The following JAKMIP2 variants were observed in gnomAD, a reference collection of about 807,000 sequenced individuals.
The protein encoded by JAKMIP2 is janus kinase and microtubule interacting protein 2.
In JAKMIP2, 25 loss-of-function variants were observed where a neutral mutation model predicts 115.0. The observed-to-expected ratio is 0.22, with a 90% CI of 0.16 to 0.30. The LOEUF (loss-of-function observed/expected upper bound fraction) is 0.30, where lower values mean the gene tolerates loss of function less well. Among genes scored for constraint, JAKMIP2 ranks in the 10% least tolerant of loss-of-function variants. The probability of loss-of-function intolerance (pLI) is 1.00; values close to 1 mark genes in which losing one functional copy is unlikely to be tolerated. For synonymous variants in JAKMIP2, 334 were observed against 343.6 expected, an observed-to-expected ratio of 0.97 and a Z score of 0.31; for missense variants, 642 against 957.6, an observed-to-expected ratio of 0.67 and a Z score of 4.35.
At chr5:147,630,919 T>G in intron 14 of JAKMIP2, among the ~76,000 whole-genome samples, 1 of 152,162 alleles carries the variant, frequency 6.6e-6, no homozygotes. Context: ...TTATAAACCC[T>G]AAGCCCTTCC....
In JAKMIP2 at chr5:147,645,266, G is replaced by A. The variant is rs1414005833; in HGVS notation, c.937-270C>T. ...TACTCCAGAGACTGGTTTTGGAAAT[G>A]CTCGGGAGGACGCGCTCTCCTTGCT... On this transcript the variant is annotated intron_variant, in intron 5 of 21. Transcript: ENST00000616793. 2.4e-4 allele frequency among the ~76,000 whole-genome samples: 36 copies of A among 152,092 alleles called. 1 individual carries two copies. Among genetic ancestry groups the A allele is most frequent in the Admixed American group, 2.4e-3 (36 of 15,266 alleles).
chr5:147,670,602 A>G (rs188975500), intron 2 of JAKMIP2, among the ~76,000 whole-genome samples: 1 of 152,326 alleles, frequency 6.6e-6, no homozygotes, highest in Admixed American at 6.5e-5. Flanking sequence ...ACTTAAATCT[A>G]TGAATATTAA....
At chr5:147,645,721 T>C (rs1045163218) in intron 5 of JAKMIP2, among the ~76,000 whole-genome samples, 1 of 152,182 alleles carries the variant, frequency 6.6e-6, no homozygotes, top group African/African-American at 2.4e-5. Flanking sequence ...GGATGTTTTT[T>C]TGATGTAAGG....
At position 147,598,292 on chromosome 5, in the gene JAKMIP2, G is replaced by A. The variant is rs111767765; in HGVS notation, c.*20+3449C>T. Among the ~76,000 whole-genome samples, 1,022 of 152,098 alleles carry A rather than the reference G, an allele frequency of 6.7e-3. 53 individuals carry two copies. In the East Asian group the frequency reaches 0.13, roughly 19 times the overall value. On this transcript the variant is annotated intron_variant, in intron 21 of 21. Transcript: ENST00000616793. ...GGGATTACAGGCGTGAGCCATCAGC[G>A]GTTCTTGGGTTTCTGATTTGAACAG...
In JAKMIP2 at chr5:147,587,509, A is replaced by C. The variant is rs1305452030; in HGVS notation, c.*4198T>G. On this transcript the variant is annotated 3_prime_UTR_variant, in exon 22 of 22. Transcript: ENST00000616793. Reference sequence around the variant, plus strand: ...TGCAATTAAATATTTTAAAAATAAAATTTCTATGCTGTCCATCTATCTTGA... The same window carrying C: ...TGCAATTAAATATTTTAAAAATAAACTTTCTATGCTGTCCATCTATCTTGA... The C allele has an allele frequency of 6.6e-6, 1 of 152,016 alleles. No homozygotes were observed. The highest frequency in any genetic ancestry group is 1.9e-4 in the East Asian group (1 of 5,186). 9.4% of individuals were successfully genotyped at this position (152,016 alleles called of 1,614,324 possible).
At chr5:147,637,668 G>C (rs763840826) in intron 10 of JAKMIP2, among the ~76,000 whole-genome samples, 1 of 152,002 alleles carries the variant, frequency 6.6e-6, no homozygotes, top group Non-Finnish European at 1.5e-5. Context: ...TCGAACTCCT[G>C]ACCTCAGATG....
chr5:147,745,172 C>T (rs770380270), intron 1 of JAKMIP2, among the ~76,000 whole-genome samples: 21 of 98,082 alleles, frequency 2.1e-4, no homozygotes, highest in Non-Finnish European at 4.4e-4. Flanking sequence ...ATCAACAAAC[C>T]GACCTTGGCG....
rs1486112943 is a variant in JAKMIP2, at chr5:147,637,054, G to A, written c.1531-6C>T. 1.1e-6 allele frequency: 1 copy of A among 872,424 alleles called. No homozygotes were observed. The highest frequency in any genetic ancestry group is 2.4e-5 in the East Asian group (1 of 41,702). The allele number at this position is 872,424 out of a possible 1,614,324, so 54.0% of individuals were successfully genotyped here. On this transcript the variant is annotated splice_region_variant and splice_polypyrimidine_tract_variant and intron_variant, in intron 10 of 21. Coordinates refer to ENST00000616793, the MANE Select transcript of JAKMIP2 (RefSeq NM_001270941.2). Reference sequence around the variant, plus strand: ...GCTTGGAGCTGTTCTTGAGCCTGGTGAAACCAAAATTCCAGAACTCAGCAA... The same window carrying A: ...GCTTGGAGCTGTTCTTGAGCCTGGTAAAACCAAAATTCCAGAACTCAGCAA...
intron 1 of JAKMIP2, among the ~76,000 whole-genome samples, chr5:147,750,561 T>TACACACACACACACACACACAC (rs151015424): frequency 1.1e-4 from 15 of 142,808 alleles, no homozygotes; most frequent in Non-Finnish European, 1.4e-4. Context: ...TGCCAGAAAA[T>TACACACACACACACACACACAC]ACACACACAC....
chr5:147,650,084 G>C (rs928553006), intron 4 of JAKMIP2, among the ~76,000 whole-genome samples: 1 of 152,146 alleles, frequency 6.6e-6, no homozygotes, highest in Non-Finnish European at 1.5e-5. Context: ...AGTTTGGATA[G>C]GTATTGCCTG....
chr5:147,628,887 C>G, intron 15 of JAKMIP2, 71 bp from the exon 16 acceptor site: 1 of 1,074,566 alleles, frequency 9.3e-7, no homozygotes, highest in Non-Finnish European at 1.4e-6. Flanking sequence ...TACTGTCTGA[C>G]TGACTGCTAC....
chr5:147,592,346 A>G (rs1755140301), intron 21 of JAKMIP2, among the ~76,000 whole-genome samples: 1 of 152,066 alleles, frequency 6.6e-6, no homozygotes, highest in Non-Finnish European at 1.5e-5. Flanking sequence ...AATTGTCTCC[A>G]CCTAAAGTCC....
At chr5:147,601,252 A>G (rs1220571071) in intron 21 of JAKMIP2, among the ~76,000 whole-genome samples, 1 of 152,166 alleles carries the variant, frequency 6.6e-6, no homozygotes, top group Non-Finnish European at 1.5e-5. Flanking sequence ...TTCTCAATTT[A>G]TGGCATTTAT....
intron 1 of JAKMIP2, among the ~76,000 whole-genome samples, chr5:147,753,228 C>G (rs1580879495): frequency 6.6e-6 from 1 of 152,132 alleles, no homozygotes; most frequent in Non-Finnish European, 1.5e-5. Flanking sequence ...GAAATAGTAA[C>G]CGGTTACTGA....
chr5:147,592,040 T>C (rs140272113), intron 21 of JAKMIP2, among the ~76,000 whole-genome samples: 233 of 152,312 alleles, frequency 1.5e-3, no homozygotes, highest in African/African-American at 5.3e-3. Flanking sequence ...CCATTTAAGA[T>C]GTTATTTTAT....
At chr5:147,700,883 A>C (rs1399352996) in intron 1 of JAKMIP2, among the ~76,000 whole-genome samples, 2 of 152,132 alleles carry the variant, frequency 1.3e-5, no homozygotes, top group Admixed American at 1.3e-4. Context: ...GGAAGCATGG[A>C]CCTGTCATGG....
intron 1 of JAKMIP2, among the ~76,000 whole-genome samples, chr5:147,695,236 G>A (rs1213861666): frequency 6.6e-6 from 1 of 152,064 alleles, no homozygotes; most frequent in Non-Finnish European, 1.5e-5. Flanking sequence ...TTGAATACAC[G>A]CTTAAATAAA....
In JAKMIP2 at chr5:147,607,490, A is replaced by G. The variant is rs964936449; in HGVS notation, c.2412+4816T>C. Among the ~76,000 whole-genome samples the G allele has an allele frequency of 2.0e-5, 3 of 152,196 alleles. No individual in the cohort carries two copies. In the East Asian group the frequency reaches 5.8e-4, roughly 29 times the overall value. On this transcript the variant is annotated intron_variant, in intron 20 of 21. Transcript: ENST00000616793. ...ATGGATTACGTTTATTGATTTATGT[A>G]TGTTGAACCAGGCTTGCATCCCAGG...
chr5:147,629,497 T>G (rs1184489453), intron 15 of JAKMIP2, among the ~76,000 whole-genome samples, 196 bp downstream of exon 15: 2 of 152,206 alleles, frequency 1.3e-5, no homozygotes, highest in African/African-American at 2.4e-5. Context: ...AGGTCTCATT[T>G]CTGCTACTAC....
Sources: allele counts gnomAD v4.1 joint callset (sites outside exome capture counted in the v4.1 genomes callset), GRCh38; gene constraint gnomAD v4.1.1; transcripts MANE v1.5; gene names NCBI Gene and HGNC (gene_info 2026-07-23, HGNC 2026-07-21).